RAPGEF2: variants seen among roughly 807,000 people sequenced by gnomAD.
RAPGEF2 encodes Rap guanine nucleotide exchange factor 2.
In RAPGEF2, 54 loss-of-function variants were observed where a neutral mutation model predicts 186.7. The ratio of observed to expected loss-of-function variants is 0.29; its 90% CI spans 0.23 to 0.36. The LOEUF is 0.36. Ranked by LOEUF, RAPGEF2 falls within the 10% of genes least tolerant of loss-of-function variation. The pLI is 1.00. For missense variants in RAPGEF2, 1,532 were observed against 2,045.0 expected, an observed-to-expected ratio of 0.75 and a Z score of 4.84; for synonymous variants, 712 against 705.9, an observed-to-expected ratio of 1.01 and a Z score of -0.14.
intron 8 of RAPGEF2, among the ~76,000 whole-genome samples, chr4:159,306,141 AT>A (rs35900124): frequency 1.4e-4 from 21 of 150,130 alleles, no homozygotes; most frequent in African/African-American, 4.9e-4. Flanking sequence ...GAACTTTAGG[AT>A]TTTTTTTTTC....
chr4:159,321,598 GAGGAGTA>G (rs1765239929), intron 9 of RAPGEF2, among the ~76,000 whole-genome samples: 1 of 152,174 alleles, frequency 6.6e-6, no homozygotes, highest in African/African-American at 2.4e-5. Flanking sequence ...GAGCCATGGT[GAGGAGTA>G]AGGAAAGAAC....
chr4:159,296,241 A>C (rs1762016101), intron 7 of RAPGEF2, among the ~76,000 whole-genome samples: 1 of 152,236 alleles, frequency 6.6e-6, no homozygotes, highest in South Asian at 2.1e-4. Context: ...ACCTTAAACA[A>C]ATTAGAAGGA....
At chr4:159,151,217 T>C (rs1386000695) in intron 1 of RAPGEF2, among the ~76,000 whole-genome samples, 2 of 152,238 alleles carry the variant, frequency 1.3e-5, no homozygotes, top group Non-Finnish European at 2.9e-5. Flanking sequence ...TACTTTAAGT[T>C]ATACCATACA....
At chr4:159,243,629 C>A in intron 6 of RAPGEF2, 145 bp from the exon 7 acceptor site, 1 of 468,762 alleles carries the variant, frequency 2.1e-6, no homozygotes, top group Admixed American at 2.7e-5. Flanking sequence ...ACATGGGAAG[C>A]ATTATACATA....
intron 1 of RAPGEF2, among the ~76,000 whole-genome samples, chr4:159,104,877 A>G (rs569506487): frequency 1.3e-4 from 20 of 152,330 alleles, no homozygotes; most frequent in Admixed American, 5.9e-4. Flanking sequence ...TTGAAGGGAA[A>G]AAAAGTTGAA....
chr4:159,236,492 TTTTGCTGCTAAA>T (rs1753274511), intron 4 of RAPGEF2, among the ~76,000 whole-genome samples: 1 of 152,220 alleles, frequency 6.6e-6, no homozygotes, highest in Non-Finnish European at 1.5e-5. Context: ...CATTAACATC[TTTTGCTGCTAAA>T]ATTTGTAAAC....
intron 3 of RAPGEF2, among the ~76,000 whole-genome samples, chr4:159,201,099 G>A (rs185209427): frequency 3.3e-5 from 5 of 152,162 alleles, no homozygotes; most frequent in Admixed American, 2.6e-4. Context: ...TGCTTACTGT[G>A]CTGTGTTGCA....
chr4:159,244,923 A>G (rs1351527639), intron 7 of RAPGEF2, among the ~76,000 whole-genome samples: 1 of 152,026 alleles, frequency 6.6e-6, no homozygotes, highest in African/African-American at 2.4e-5. Context: ...GTTCACTAAA[A>G]TAATTTTAAA....
chr4:159,348,567 T>C (rs1234560992), intron 25 of RAPGEF2, among the ~76,000 whole-genome samples: 1 of 152,214 alleles, frequency 6.6e-6, no homozygotes, highest in Non-Finnish European at 1.5e-5. Context: ...CATTGAATTA[T>C]GTGTTTCTTT....
intron 1 of RAPGEF2, among the ~76,000 whole-genome samples, chr4:159,127,436 T>C (rs1740472272): frequency 6.6e-6 from 1 of 152,242 alleles, no homozygotes; most frequent in South Asian, 2.1e-4. Flanking sequence ...TTTTTACCTG[T>C]GGTAGTAACT....
rs576663743 is a variant in RAPGEF2, at chr4:159,225,927, T to G, written c.282-12882T>G. ...GCAGAAATTTCCTCCTAATCTAACATGTGCCTTAAAAAAAATAAAAACTTT... is the reference window on the plus strand; with the variant it reads ...GCAGAAATTTCCTCCTAATCTAACAGGTGCCTTAAAAAAAATAAAAACTTT... On this transcript the variant is annotated intron_variant, in intron 4 of 29. Coordinates refer to ENST00000691494, the MANE Select transcript of RAPGEF2 (RefSeq NM_001394067.2). Among the ~76,000 whole-genome samples, 29 of 152,046 alleles carry G rather than the reference T, an allele frequency of 1.9e-4. 1 individual carries two copies. In the South Asian group the frequency reaches 6.0e-3, roughly 32 times the overall value.
At chr4:159,131,519 ATTTTTTTTTTTT>A (rs35670450) in intron 1 of RAPGEF2, among the ~76,000 whole-genome samples, 2 of 37,212 alleles carry the variant, frequency 5.4e-5, no homozygotes, top group Admixed American at 3.4e-4. Context: ...ATTAATTGCT[ATTTTTTTTTTTT>A]TTTTTTTTTT....
At chr4:159,259,686 A>G (rs1410045198) in intron 7 of RAPGEF2, among the ~76,000 whole-genome samples, 1 of 152,158 alleles carries the variant, frequency 6.6e-6, no homozygotes, top group Admixed American at 6.5e-5. Context: ...ACTTACTTAC[A>G]GTTGTCTAAA....
intron 17 of RAPGEF2, among the ~76,000 whole-genome samples, chr4:159,334,508 C>A (rs1767128916): frequency 6.6e-6 from 1 of 152,132 alleles, no homozygotes; most frequent in South Asian, 2.1e-4. Flanking sequence ...CTGGGCTTCT[C>A]AAAGTGCTGG....
chr4:159,256,454 G>A (rs1476607746), intron 7 of RAPGEF2, among the ~76,000 whole-genome samples: 1 of 152,142 alleles, frequency 6.6e-6, no homozygotes, highest in Non-Finnish European at 1.5e-5. Context: ...ATCATTGATG[G>A]GTATTTGGGT....
intron 1 of RAPGEF2, among the ~76,000 whole-genome samples, chr4:159,171,805 G>A (rs1745935725): frequency 6.6e-6 from 1 of 152,076 alleles, no homozygotes; most frequent in African/African-American, 2.4e-5. Flanking sequence ...CAACTTTGCA[G>A]TCACCTCACT....
intron 4 of RAPGEF2, among the ~76,000 whole-genome samples, chr4:159,224,074 T>C (rs1751789940): frequency 6.6e-6 from 1 of 152,140 alleles, no homozygotes; most frequent in South Asian, 2.1e-4. Flanking sequence ...AATTTTTGTA[T>C]TTTTTGTAAA....
At chr4:159,330,708 C>A in intron 13 of RAPGEF2, 1 of 471,518 alleles carries the variant, frequency 2.1e-6, no homozygotes, top group Non-Finnish European at 3.7e-6. Flanking sequence ...ATTAGTTCAG[C>A]CTTCTTTAAA....
chr4:159,181,942 TATAA>T (rs1350164441), intron 1 of RAPGEF2, among the ~76,000 whole-genome samples: 6 of 152,240 alleles, frequency 3.9e-5, no homozygotes, highest in Admixed American at 6.5e-5. Context: ...GATCTTTTAT[TATAA>T]ATGTTTCATT....
Sources: allele counts gnomAD v4.1 joint callset (sites outside exome capture counted in the v4.1 genomes callset), GRCh38; gene constraint gnomAD v4.1.1; transcripts MANE v1.5; gene names NCBI Gene and HGNC (gene_info 2026-07-23, HGNC 2026-07-21).